PREX1: variants seen among roughly 807,000 people sequenced by gnomAD.
PREX1 encodes the protein phosphatidylinositol-3,4,5-trisphosphate dependent Rac exchange factor 1.
PREX1 carries 41 observed loss-of-function variants against 198.3 expected under a neutral mutation model. The observed-to-expected ratio is 0.21, with a 90% CI of 0.16 to 0.27. The LOEUF (loss-of-function observed/expected upper bound fraction) is 0.27, where lower values mean the gene tolerates loss of function less well. Ranked by LOEUF, PREX1 falls within the 10% of genes least tolerant of loss-of-function variation. The pLI is 1.00. For synonymous variants in PREX1, 843 were observed against 887.2 expected, an observed-to-expected ratio of 0.95 and a Z score of 0.89; for missense variants, 1,620 against 2,200.7, an observed-to-expected ratio of 0.74 and a Z score of 5.28.
chr20:48,642,267 C>T lies in PREX1; in HGVS notation c.3685-9G>A, dbSNP rs527581439. The T allele has an allele frequency of 1.1e-5, 17 of 1,614,054 alleles. No homozygotes were observed. The East Asian group carries it at 3.6e-4, about 34-fold the overall frequency. ...GCATTGATGGAGTCCACCTGGGTGG[C>T]AAGAAGCCTGGGGTTGGTTTGGGCC... On this transcript the variant is annotated splice_polypyrimidine_tract_variant and intron_variant, in intron 28 of 39. Coordinates refer to ENST00000371941, the MANE Select transcript of PREX1 (RefSeq NM_020820.4).
chr20:48,627,822 C>T, intron 38 of PREX1, 39 bp downstream of exon 38: 1 of 1,583,248 alleles, frequency 6.3e-7, no homozygotes, highest in Non-Finnish European at 8.6e-7. Flanking sequence ...ACGCCCTCAG[C>T]CCAGGGTGCT....
rs745336255 is a variant in PREX1, at chr20:48,827,205, G to C, written c.219+437C>G. 8.5e-4 allele frequency among the ~76,000 whole-genome samples: 129 copies of C among 152,318 alleles called. No individual in the cohort carries two copies. The highest frequency in any genetic ancestry group is 1.7e-3 in the Non-Finnish European group (116 of 68,016). On this transcript the variant is annotated intron_variant, in intron 1 of 39. Transcript: ENST00000371941. The surrounding 1 kb of genome is among the most constrained non-coding windows in gnomAD (Gnocchi z 4.1). Reference sequence around the variant, plus strand: ...TTTATCCTACTCCATCAACGCGCAGGGACGTTGGGCTCTGGGGCTCCTACG... The same window carrying C: ...TTTATCCTACTCCATCAACGCGCAGCGACGTTGGGCTCTGGGGCTCCTACG...
chr20:48,860,668 G>A, the PREX1 span, among the ~76,000 whole-genome samples: 5 of 151,958 alleles, frequency 3.3e-5, no homozygotes, highest in South Asian at 2.1e-4. Context: ...GTGAAACCCC[G>A]TCTCTAATAA....
chr20:48,661,146 G>A (rs1437504314), intron 15 of PREX1, among the ~76,000 whole-genome samples: 2 of 152,048 alleles, frequency 1.3e-5, no homozygotes, highest in East Asian at 3.9e-4. Flanking sequence ...CCGGCCAGAG[G>A]CGGTGGCTCC....
intron 15 of PREX1, among the ~76,000 whole-genome samples, chr20:48,665,726 C>T (rs537049774): frequency 3.9e-5 from 6 of 152,294 alleles, no homozygotes; most frequent in Middle Eastern, 3.4e-3. Context: ...TAATTTAAAC[C>T]GGTGTCCATG....
intron 18 of PREX1, among the ~76,000 whole-genome samples, 187 bp downstream of exon 18, chr20:48,656,853 C>T (rs1018638310): frequency 6.6e-6 from 1 of 152,238 alleles, no homozygotes; most frequent in Non-Finnish European, 1.5e-5. Context: ...AGGGCCCAAA[C>T]TGCCACCAAG....
At chr20:48,881,305 G>C in the PREX1 span, among the ~76,000 whole-genome samples, 2 of 152,028 alleles carry the variant, frequency 1.3e-5, no homozygotes, top group African/African-American at 4.8e-5. Flanking sequence ...TTTAAACCCA[G>C]CAATAAATCC....
chr20:48,875,812 T>C, the PREX1 span, among the ~76,000 whole-genome samples: 1 of 151,920 alleles, frequency 6.6e-6, no homozygotes, highest in African/African-American at 2.4e-5. Context: ...TAAGCAAGGC[T>C]GGGAAGAAAG....
chr20:48,856,394 C>T, the PREX1 span, among the ~76,000 whole-genome samples: 1 of 152,192 alleles, frequency 6.6e-6, no homozygotes, highest in Non-Finnish European at 1.5e-5. Flanking sequence ...GGTTTCTTCT[C>T]CCTCCTGGTG....
the PREX1 span, among the ~76,000 whole-genome samples, chr20:48,867,514 T>C: frequency 6.6e-6 from 1 of 152,124 alleles, no homozygotes; most frequent in Non-Finnish European, 1.5e-5. Flanking sequence ...AGAACTTTTG[T>C]TGGTCAAAGG....
At chr20:48,738,736 C>T (rs56343427) in intron 3 of PREX1, among the ~76,000 whole-genome samples, 10,763 of 152,056 alleles carry the variant, frequency 0.071, 469 homozygotes, top group South Asian at 0.17. Context: ...GGAGCTCACC[C>T]CCAGGAAAGG....
intron 1 of PREX1, among the ~76,000 whole-genome samples, chr20:48,768,612 G>A (rs1324802562): frequency 1.3e-5 from 2 of 152,066 alleles, no homozygotes; most frequent in South Asian, 2.1e-4. Context: ...TGGCCAACAC[G>A]ATGAAACCCC....
At chr20:48,750,236 A>G (rs1415903558) in intron 1 of PREX1, among the ~76,000 whole-genome samples, 1 of 151,842 alleles carries the variant, frequency 6.6e-6, no homozygotes, top group Non-Finnish European at 1.5e-5. Flanking sequence ...CCACCCCCCC[A>G]GTCCAAGCCA....
intron 3 of PREX1, among the ~76,000 whole-genome samples, chr20:48,742,406 A>T (rs1010880767): frequency 1.3e-4 from 20 of 152,194 alleles, no homozygotes; most frequent in African/African-American, 4.3e-4. Flanking sequence ...CACTTTACAG[A>T]TGAGAAAACT....
intron 1 of PREX1, among the ~76,000 whole-genome samples, chr20:48,819,892 A>G (rs555385570): frequency 1.2e-4 from 18 of 152,162 alleles, no homozygotes; most frequent in African/African-American, 3.9e-4. Flanking sequence ...AACTGCCCAC[A>G]CCCTGACCCC....
intron 14 of PREX1, among the ~76,000 whole-genome samples, chr20:48,672,788 C>T (rs1436250601): frequency 6.6e-6 from 1 of 152,222 alleles, no homozygotes; most frequent in Non-Finnish European, 1.5e-5. Context: ...TAAACTGCAC[C>T]ACCCCGCCCA....
intron 6 of PREX1, among the ~76,000 whole-genome samples, chr20:48,702,503 C>T (rs1050119744): frequency 5.9e-5 from 9 of 152,264 alleles, no homozygotes; most frequent in African/African-American, 2.2e-4. Context: ...CCCAGCCCCC[C>T]TTGTGCCAGG....
intron 15 of PREX1, among the ~76,000 whole-genome samples, chr20:48,665,147 C>A (rs967065061): frequency 1.3e-5 from 2 of 150,372 alleles, no homozygotes; most frequent in African/African-American, 4.9e-5. Flanking sequence ...GAATTCTAAT[C>A]CCGGCCCCAG....
At chr20:48,738,985 G>A (rs533892598) in intron 3 of PREX1, among the ~76,000 whole-genome samples, 1 of 152,206 alleles carries the variant, frequency 6.6e-6, no homozygotes, top group South Asian at 2.1e-4. Flanking sequence ...GTGGGGAGAG[G>A]GGGGTTAAAA....
Sources: allele counts gnomAD v4.1 joint callset (sites outside exome capture counted in the v4.1 genomes callset), GRCh38; gene constraint gnomAD v4.1.1; non-coding constraint Gnocchi (gnomAD v3.1); transcripts MANE v1.5; gene names NCBI Gene and HGNC (gene_info 2026-07-23, HGNC 2026-07-21).